WDR7: variants seen among roughly 807,000 people sequenced by gnomAD.
The protein encoded by WDR7 is WD repeat-containing protein 7.
A neutral mutation model predicts 169.4 loss-of-function variants in WDR7; 46 were observed. That is an observed-to-expected ratio of 0.27 (90% CI 0.21 to 0.35). WDR7 has a LOEUF of 0.35. Ranked by LOEUF, WDR7 falls within the 10% of genes least tolerant of loss-of-function variation. The probability of loss-of-function intolerance (pLI) is 1.00; values close to 1 mark genes in which losing one functional copy is unlikely to be tolerated. For missense variants in WDR7, 1,534 were observed against 1,859.3 expected, an observed-to-expected ratio of 0.83 and a Z score of 3.22; for synonymous variants, 612 against 666.8, an observed-to-expected ratio of 0.92 and a Z score of 1.27.
chr18:56,665,534 CAA>C (rs1429922717), intron 1 of WDR7, among the ~76,000 whole-genome samples: 3 of 152,058 alleles, frequency 2.0e-5, no homozygotes, highest in African/African-American at 7.2e-5. Context: ...CAGAATTATT[CAA>C]AGTGTGTGTG....
intron 21 of WDR7, among the ~76,000 whole-genome samples, chr18:56,891,357 G>A (rs188689908): frequency 7.9e-4 from 120 of 151,972 alleles, no homozygotes; most frequent in Admixed American, 3.5e-3. Flanking sequence ...TTTGTGGCTC[G>A]ATTTCCTTAA....
chr18:56,887,678 T>C (rs942862997), intron 21 of WDR7, among the ~76,000 whole-genome samples: 36 of 152,250 alleles, frequency 2.4e-4, no homozygotes, highest in African/African-American at 8.4e-4. Context: ...TTTTTTTTTT[T>C]CCTCAGAGGT....
intron 20 of WDR7, among the ~76,000 whole-genome samples, chr18:56,820,430 G>A (rs1025164256): frequency 6.8e-6 from 1 of 146,218 alleles, no homozygotes; most frequent in Non-Finnish European, 1.5e-5. Flanking sequence ...ATGATACGTG[G>A]ATCCCAATGG....
rs1426008254 is a variant in WDR7, at chr18:56,944,011, A to T, written c.4064+4618A>T. On this transcript the variant is annotated intron_variant, in intron 25 of 27. Transcript: ENST00000254442. ...TTTTTTTTTTTTTTTTTTTTTTGAGATGGAGTCTCACTCCCTTGCCAGGCT... is the reference window on the plus strand; with the variant it reads ...TTTTTTTTTTTTTTTTTTTTTTGAGTTGGAGTCTCACTCCCTTGCCAGGCT... Among the ~76,000 whole-genome samples, 338 of 91,308 alleles carry T rather than the reference A, an allele frequency of 3.7e-3. 2 individuals are homozygous for T. Among genetic ancestry groups the T allele is most frequent in the African/African-American group, 0.014 (305 of 22,466 alleles). The allele number at this position is 91,308 out of a possible 152,430, so 59.9% of individuals were successfully genotyped here.
chr18:56,816,997 A>G (rs1170423577), intron 20 of WDR7, among the ~76,000 whole-genome samples: 1 of 152,180 alleles, frequency 6.6e-6, no homozygotes, highest in Non-Finnish European at 1.5e-5. Flanking sequence ...TTTAATAGTA[A>G]TCAATAATTT....
At chr18:56,871,929 T>C (rs988688382) in intron 20 of WDR7, among the ~76,000 whole-genome samples, 3 of 152,120 alleles carry the variant, frequency 2.0e-5, no homozygotes, top group Non-Finnish European at 4.4e-5. Flanking sequence ...CTGTAACAAG[T>C]ATTATGACAC....
At chr18:56,769,637 G>T (rs141680468) in intron 16 of WDR7, among the ~76,000 whole-genome samples, 90 of 152,276 alleles carry the variant, frequency 5.9e-4, no homozygotes, top group African/African-American at 2.1e-3. Context: ...AGTGGGAGGT[G>T]CCCAAGCAAG....
At chr18:56,943,992 T>G (rs1174314657) in intron 25 of WDR7, among the ~76,000 whole-genome samples, 2 of 134,616 alleles carry the variant, frequency 1.5e-5, no homozygotes, top group Non-Finnish European at 3.2e-5. Flanking sequence ...GTTTTTTTTT[T>G]TTTTTTTTTT....
chr18:56,730,133 A>G (rs990223284), intron 13 of WDR7, among the ~76,000 whole-genome samples: 7 of 152,200 alleles, frequency 4.6e-5, no homozygotes, highest in Non-Finnish European at 7.3e-5. Flanking sequence ...TGTGCTGGGC[A>G]CTGTTCAGTG....
At chr18:56,821,876 G>C (rs559271884) in intron 20 of WDR7, among the ~76,000 whole-genome samples, 99 of 152,156 alleles carry the variant, frequency 6.5e-4, no homozygotes, top group African/African-American at 2.3e-3. Flanking sequence ...GTGCGCACCT[G>C]TGGTCCCAGC....
At chr18:56,723,505 T>C (rs981766045) in intron 13 of WDR7, among the ~76,000 whole-genome samples, 2 of 152,066 alleles carry the variant, frequency 1.3e-5, no homozygotes, top group African/African-American at 2.4e-5. Flanking sequence ...GGTCAACAGG[T>C]TTTTGTCTTT....
At chr18:56,893,797 C>T (rs527275936) in intron 21 of WDR7, among the ~76,000 whole-genome samples, 4 of 152,226 alleles carry the variant, frequency 2.6e-5, no homozygotes, top group East Asian at 1.9e-4. Flanking sequence ...CGCACTACTT[C>T]AAGAACAGCA....
intron 21 of WDR7, among the ~76,000 whole-genome samples, chr18:56,883,926 C>T (rs1048800357): frequency 9.2e-5 from 14 of 152,168 alleles, no homozygotes; most frequent in Admixed American, 2.0e-4. Context: ...ATGGGCATTT[C>T]GGCTGATTCC....
intron 20 of WDR7, among the ~76,000 whole-genome samples, chr18:56,820,841 T>C (rs76750369): frequency 0.026 from 3,885 of 152,274 alleles, 68 homozygotes; most frequent in Middle Eastern, 0.092. Flanking sequence ...TAGCTTATGT[T>C]CTCCTTTTAC....
intron 20 of WDR7, among the ~76,000 whole-genome samples, chr18:56,845,553 A>C (rs2045555129): frequency 6.6e-6 from 1 of 152,044 alleles, no homozygotes; most frequent in Non-Finnish European, 1.5e-5. Context: ...TGTTACATTT[A>C]GCAGATATAT....
At chr18:56,831,813 A>C (rs982394109) in intron 20 of WDR7, among the ~76,000 whole-genome samples, 3 of 152,162 alleles carry the variant, frequency 2.0e-5, no homozygotes, top group Non-Finnish European at 4.4e-5. Flanking sequence ...CCCAGATGCT[A>C]TGCTTTTCCC....
intron 27 of WDR7, among the ~76,000 whole-genome samples, chr18:57,021,054 G>A (rs2048282562): frequency 6.6e-6 from 1 of 152,216 alleles, no homozygotes; most frequent in African/African-American, 2.4e-5. Flanking sequence ...TCTGGAAAGA[G>A]GGGCATCTGC....
intron 20 of WDR7, among the ~76,000 whole-genome samples, chr18:56,831,613 C>T (rs1467699799): frequency 1.3e-5 from 2 of 152,018 alleles, no homozygotes; most frequent in African/African-American, 4.8e-5. Flanking sequence ...TGGGTGATTT[C>T]TGCATTTCGA....
intron 21 of WDR7, among the ~76,000 whole-genome samples, chr18:56,884,025 A>G (rs988701085): frequency 6.6e-6 from 1 of 151,748 alleles, no homozygotes; most frequent in Non-Finnish European, 1.5e-5. Context: ...CTGGGTAGAT[A>G]CCCTATATTG....
Sources: gnomAD v4.1 joint callset for allele counts (sites outside exome capture counted in the v4.1 genomes callset) on GRCh38, gnomAD v4.1.1 for gene constraint, MANE v1.5 for transcripts, NCBI Gene and HGNC (gene_info 2026-07-23, HGNC 2026-07-21) for gene names.